The following ALS2 variants were observed in gnomAD, a reference collection of about 807,000 sequenced individuals.
The protein encoded by ALS2 is alsin Rho guanine nucleotide exchange factor ALS2.
A neutral mutation model predicts 203.4 loss-of-function variants in ALS2; 117 were observed. That is an observed-to-expected ratio of 0.58 (90% CI 0.50 to 0.67). The LOEUF (loss-of-function observed/expected upper bound fraction) is 0.67. Among genes scored for constraint, ALS2 ranks in the 30% least tolerant of loss-of-function variants. The pLI, the probability that ALS2 is intolerant of heterozygous loss-of-function variation, is 0.00. For missense variants in ALS2, 1,715 were observed against 1,989.4 expected (o/e 0.86, Z 2.62); for synonymous variants, 718 against 725.9 (o/e 0.99, Z 0.17).
chr2:201,749,985 G>A (rs947639131), intron 7 of ALS2, among the ~76,000 whole-genome samples, 196 bp from the exon 8 acceptor site: 1 of 152,064 alleles, frequency 6.6e-6, no homozygotes, highest in African/African-American at 2.4e-5. Context: ...CGCAAATAGA[G>A]TCTTGGTACA....
Position 201,760,058 on chromosome 2 carries a change from C to T in ALS2, c.1113+823G>A, listed in dbSNP as rs897004256. The stretch of plus-strand genomic sequence containing the variant: ...ATAAAATAGGCTGGGCATGATGGCT[C>T]ATGCCTGTAATCTCAACACTTTGGG... On this transcript the variant is annotated intron_variant, in intron 4 of 33. Transcript: ENST00000264276. 11 of 957,920 alleles carry T rather than the reference C, an allele frequency of 1.1e-5. No individual in the cohort carries two copies. The African/African-American group carries it at 1.6e-4, about 14-fold the overall frequency. 59.3% of individuals were successfully genotyped at this position (957,920 alleles called of 1,614,324 possible).
At chr2:201,704,705 T>G (rs1689595133) in intron 31 of ALS2, 102 bp from the exon 32 acceptor site, 1 of 1,314,832 alleles carries the variant, frequency 7.6e-7, no homozygotes, top group Non-Finnish European at 1.1e-6. Flanking sequence ...TCACATGCCT[T>G]AACCCGGACA....
Position 201,729,044 on chromosome 2 carries a change from T to G in ALS2, c.2712+8A>C, listed in dbSNP as rs759746887. On this transcript the variant is annotated splice_region_variant and intron_variant, in intron 14 of 33. Coordinates refer to ENST00000264276, the MANE Select transcript of ALS2 (RefSeq NM_020919.4). The stretch of plus-strand genomic sequence containing the variant: ...CTAGGGTAACAAATGACAACTGGCA[T>G]GGCTTACCGTCATTTTTCCGGGGAA... The G allele has an allele frequency of 1.9e-6, 3 of 1,614,158 alleles. No individual in the cohort carries two copies. The highest frequency in any genetic ancestry group is 2.5e-6 in the Non-Finnish European group (3 of 1,180,002).
At chr2:201,748,620 CA>C (rs1692823573) in intron 8 of ALS2, among the ~76,000 whole-genome samples, 1 of 149,000 alleles carries the variant, frequency 6.7e-6, no homozygotes, top group Admixed American at 6.9e-5. Flanking sequence ...TTCAAATAAA[CA>C]AAAAACAAGG....
intron 8 of ALS2, among the ~76,000 whole-genome samples, chr2:201,748,310 T>C (rs1227638168): frequency 1.3e-5 from 2 of 152,168 alleles, no homozygotes; most frequent in Admixed American, 6.5e-5. Flanking sequence ...TCCCATTCAT[T>C]TTGCAAAGGA....
rs1693726091 is a variant in ALS2, at chr2:201,760,930, T to C, written c.1064A>G (p.His355Arg). ...VNEYLRKLSD[H>R]SVREDSEHGE... ...ATGCTCTGAGTCCTCTCTTACTGAA[T>C]GATCTGACAGTTTCCGTAGGTATTC... is the stretch of plus-strand genomic sequence containing the variant. Residue 355 changes from histidine (H) to arginine (R), a missense_variant, in exon 4 of 34, where the codon CAT becomes CGT. Physicochemically the swap from His to Arg is conservative, Grantham distance 29 (BLOSUM62 0). Transcript: ENST00000264276. 1 of 1,614,110 alleles carries C rather than the reference T, an allele frequency of 6.2e-7. No homozygotes were observed. The highest frequency in any genetic ancestry group is 1.3e-5 in the African/African-American group (1 of 74,934).
At chr2:201,712,973 AAT>A (rs1690124925) in intron 25 of ALS2, among the ~76,000 whole-genome samples, 1 of 152,256 alleles carries the variant, frequency 6.6e-6, no homozygotes, top group South Asian at 2.1e-4. Flanking sequence ...CATGAATTTT[AAT>A]ATGTGTCTAT....
At chr2:201,770,309 CCTA>C (rs147690977) in intron 1 of ALS2, among the ~76,000 whole-genome samples, 1,651 of 152,254 alleles carry the variant, frequency 0.011, 31 homozygotes, top group Admixed American at 0.037. Context: ...GGAATTTTGT[CCTA>C]CTAACAATCA....
intron 1 of ALS2, among the ~76,000 whole-genome samples, chr2:201,769,767 C>T (rs1694288207): frequency 6.6e-6 from 1 of 152,060 alleles, no homozygotes; most frequent in Non-Finnish European, 1.5e-5. Context: ...TTTGTGTAAA[C>T]CATAAAAATA....
intron 4 of ALS2, chr2:201,760,018 GT>G: frequency 1.0e-6 from 1 of 981,802 alleles, no homozygotes; most frequent in Non-Finnish European, 1.2e-6. Context: ...AATGAAAATA[GT>G]TTTAATAAGA....
chr2:201,752,672 T>TA (rs918062011), intron 7 of ALS2, among the ~76,000 whole-genome samples: 10 of 151,692 alleles, frequency 6.6e-5, no homozygotes, highest in East Asian at 1.9e-4. Flanking sequence ...AGTCTGGGTT[T>TA]AAAAAAAAAC....
chr2:201,730,291 T>C (rs1267256529), intron 13 of ALS2, among the ~76,000 whole-genome samples: 2 of 152,208 alleles, frequency 1.3e-5, no homozygotes, highest in Non-Finnish European at 2.9e-5. Context: ...TTGTACCATC[T>C]ATGATTGTGG....
At chr2:201,729,477 T>C (rs983491531) in intron 13 of ALS2, among the ~76,000 whole-genome samples, 13 of 152,166 alleles carry the variant, frequency 8.5e-5, no homozygotes, top group African/African-American at 3.1e-4. Context: ...CTCAAATATT[T>C]TGGTCTCGGG....
intron 3 of ALS2, 92 bp from the exon 4 acceptor site, chr2:201,761,910 A>G (rs1693795030): frequency 2.2e-6 from 3 of 1,351,910 alleles, no homozygotes; most frequent in Admixed American, 2.2e-5. Context: ...CTATAGATTT[A>G]ACCAAATTGG....
At chr2:201,704,081 G>A in intron 33 of ALS2, 41 bp downstream of exon 33, 1 of 1,521,088 alleles carries the variant, frequency 6.6e-7, no homozygotes, top group East Asian at 2.3e-5. Flanking sequence ...ATGAAAGACA[G>A]ATATGAAGAT....
At chr2:201,768,993 C>T (rs559658384) in intron 1 of ALS2, 48 bp from the exon 2 acceptor site, 4 of 982,764 alleles carry the variant, frequency 4.1e-6, no homozygotes, top group South Asian at 3.3e-5. Context: ...TATTTTACCC[C>T]TCAGACATTA....
chr2:201,769,654 T>C (rs931608944), intron 1 of ALS2, among the ~76,000 whole-genome samples: 2 of 152,088 alleles, frequency 1.3e-5, no homozygotes, highest in African/African-American at 4.8e-5. Flanking sequence ...TTTAATAAAA[T>C]AAGAGATAGA....
chr2:201,734,542 T>C (rs985738162), intron 12 of ALS2, among the ~76,000 whole-genome samples: 6 of 152,136 alleles, frequency 3.9e-5, no homozygotes, highest in Non-Finnish European at 7.4e-5. Context: ...TCCTACTTCT[T>C]TCTCCACGTT....
intron 11 of ALS2, chr2:201,741,044 C>T (rs1207153065): frequency 6.5e-6 from 1 of 154,078 alleles, no homozygotes; most frequent in Admixed American, 6.5e-5. Context: ...CATAACCTAA[C>T]ATACATTAAA....
Sources: allele counts gnomAD v4.1 joint callset (sites outside exome capture counted in the v4.1 genomes callset), GRCh38; gene constraint gnomAD v4.1.1; transcripts MANE v1.5; gene names NCBI Gene and HGNC (gene_info 2026-07-23, HGNC 2026-07-21).